Variants in REV3L observed in about 807,000 individuals in gnomAD.
REV3L encodes REV3 like, DNA directed polymerase zeta catalytic subunit, also known as DNA polymerase zeta catalytic subunit.
REV3L carries 69 observed loss-of-function variants against 299.4 expected under a neutral mutation model. The ratio of observed to expected loss-of-function variants is 0.23; its 90% confidence interval spans 0.19 to 0.28. The LOEUF is 0.28. REV3L is among the 10% of genes least tolerant of loss of function. The pLI is 1.00. For synonymous variants in REV3L, 1,238 were observed against 1,271.4 expected, an observed-to-expected ratio of 0.97 and a Z score of 0.56; for missense variants, 3,128 against 3,693.8, an observed-to-expected ratio of 0.85 and a Z score of 3.97.
intron 22 of REV3L, 94 bp from the exon 23 acceptor site, chr6:111,333,461 G>A (rs974218250): frequency 7.7e-6 from 11 of 1,428,822 alleles, no homozygotes; most frequent in Admixed American, 4.5e-5. Flanking sequence ...CTGCTTTTCA[G>A]AATAAGATTG....
intron 15 of REV3L, 73 bp downstream of exon 15, chr6:111,365,192 A>C (rs1779072359): frequency 3.1e-6 from 3 of 967,832 alleles, no homozygotes; most frequent in Non-Finnish European, 4.5e-6. Flanking sequence ...GACAAAGTTA[A>C]CAATTATCTA....
At chr6:111,333,810 G>A (rs1430221135) in intron 22 of REV3L, among the ~76,000 whole-genome samples, 4 of 152,034 alleles carry the variant, frequency 2.6e-5, no homozygotes, top group Admixed American at 6.6e-5. Flanking sequence ...TTTCAGATGC[G>A]AAAAGGGATA....
At chr6:111,324,249 C>T (rs535320847) in intron 25 of REV3L, among the ~76,000 whole-genome samples, 1 of 152,322 alleles carries the variant, frequency 6.6e-6, no homozygotes, top group South Asian at 2.1e-4. Context: ...CCACCCGCCT[C>T]AGCCTCCCAA....
intron 25 of REV3L, among the ~76,000 whole-genome samples, chr6:111,327,075 G>A (rs776819428): frequency 1.7e-4 from 26 of 152,142 alleles, no homozygotes; most frequent in Admixed American, 3.9e-4. Context: ...AAGCAGCAAC[G>A]TACTCCCTGG....
intron 1 of REV3L, among the ~76,000 whole-genome samples, chr6:111,474,335 C>CTGGG (rs1256492670): frequency 1.3e-5 from 2 of 152,196 alleles, no homozygotes; most frequent in Admixed American, 6.5e-5. Context: ...ACCAGAGACA[C>CTGGG]CCTCCCTGCT....
intron 4 of REV3L, among the ~76,000 whole-genome samples, chr6:111,394,781 C>A (rs916661028): frequency 1.3e-5 from 2 of 150,948 alleles, no homozygotes; most frequent in African/African-American, 2.4e-5. Flanking sequence ...TGGCTCACTG[C>A]AGCCTTGAGC....
intron 1 of REV3L, among the ~76,000 whole-genome samples, chr6:111,459,644 A>G (rs1790530207): frequency 6.6e-6 from 1 of 151,986 alleles, no homozygotes; most frequent in Non-Finnish European, 1.5e-5. Context: ...AAGACATACA[A>G]ATGGCCAAAA....
chr6:111,386,717 A>ATTTTTTT (rs67124715), intron 9 of REV3L, among the ~76,000 whole-genome samples: 18 of 97,646 alleles, frequency 1.8e-4, no homozygotes, highest in African/African-American at 4.0e-4. Context: ...TAACAGCACT[A>ATTTTTTT]TTTTTTTTTT....
chr6:111,310,202 C>T (rs568552693), intron 29 of REV3L, 103 bp from the exon 30 acceptor site: 1 of 1,349,752 alleles, frequency 7.4e-7, no homozygotes, highest in African/African-American at 1.5e-5. Flanking sequence ...AATGAAAAAA[C>T]TACAAAAGAC....
intron 4 of REV3L, among the ~76,000 whole-genome samples, chr6:111,395,605 G>A (rs1782408363): frequency 6.6e-6 from 1 of 151,960 alleles, no homozygotes; most frequent in Non-Finnish European, 1.5e-5. Flanking sequence ...TTTTTTGTTG[G>A]AGTCTTCAGG....
At position 111,389,117 on chromosome 6, in the gene REV3L, G is replaced by A. The variant is rs746372132; in HGVS notation, c.851C>T (p.Pro284Leu). 3.1e-6 allele frequency: 5 copies of A among 1,612,900 alleles called. No individual in the cohort carries two copies. The African/African-American group carries it at 5.3e-5, about 17-fold the overall frequency. Residue 284 changes from proline to leucine, a missense_variant, in exon 7 of 32, where the codon CCT becomes CTT. This residue lies in a region of REV3L where 2,409 missense variants were observed against 2,611.8 expected (regional missense o/e 0.92). Transcript: ENST00000368802. ...NRNETSQMSQ[P>L]ESQDHRFVPA... ...TATTAGGTTTATACCTTGTGACTCAGGTTGGCTCATTTGAGAAGTTTCATT... is the reference window on the plus strand; with the variant it reads ...TATTAGGTTTATACCTTGTGACTCAAGTTGGCTCATTTGAGAAGTTTCATT...
At chr6:111,362,426 C>A (rs1449218302) in intron 16 of REV3L, among the ~76,000 whole-genome samples, 1 of 152,106 alleles carries the variant, frequency 6.6e-6, no homozygotes, top group Non-Finnish European at 1.5e-5. Context: ...TGAATTATAA[C>A]TTAAAGGTGG....
At chr6:111,405,668 T>C in intron 3 of REV3L, 38 bp from the exon 4 acceptor site, 1 of 1,356,764 alleles carries the variant, frequency 7.4e-7, no homozygotes, top group Non-Finnish European at 1.0e-6. Context: ...TAAAATTATG[T>C]TCCCTAAAAT....
chr6:111,301,850 T>C (rs1771584893), intron 31 of REV3L, among the ~76,000 whole-genome samples: 2 of 151,850 alleles, frequency 1.3e-5, no homozygotes, highest in Admixed American at 6.6e-5. Context: ...ATGAAGAACA[T>C]AAAAAAATTA....
chr6:111,359,362 G>A (rs528365140), intron 16 of REV3L, among the ~76,000 whole-genome samples: 1 of 152,096 alleles, frequency 6.6e-6, no homozygotes, highest in East Asian at 1.9e-4. Context: ...TACTCTTCAT[G>A]TAGTTAGCTA....
At chr6:111,334,699 A>G (rs938910209) in intron 22 of REV3L, among the ~76,000 whole-genome samples, 4 of 152,216 alleles carry the variant, frequency 2.6e-5, no homozygotes, top group Non-Finnish European at 2.9e-5. Flanking sequence ...TAGCTCAAAC[A>G]GTTGTTAAAT....
intron 1 of REV3L, among the ~76,000 whole-genome samples, chr6:111,425,187 G>A (rs1399657146): frequency 2.6e-5 from 4 of 152,138 alleles, no homozygotes; most frequent in South Asian, 2.1e-4. Context: ...TGCCGGGCGC[G>A]GTGGCTCATG....
intron 1 of REV3L, among the ~76,000 whole-genome samples, chr6:111,452,993 T>A (rs1035705388): frequency 9.9e-5 from 15 of 152,058 alleles, no homozygotes; most frequent in African/African-American, 3.6e-4. Flanking sequence ...ATTCTTTACA[T>A]ATTTTAATAT....
chr6:111,347,251 A>G (rs977556641), intron 20 of REV3L, among the ~76,000 whole-genome samples: 2 of 152,012 alleles, frequency 1.3e-5, no homozygotes, highest in African/African-American at 4.8e-5. Context: ...TCTGGGTGAC[A>G]GAGCAAGACT....
Sources: gnomAD v4.1 joint callset for allele counts (sites outside exome capture counted in the v4.1 genomes callset) on GRCh38, gnomAD v4.1.1 for gene constraint, gnomAD v4.1.1 regional missense constraint, MANE v1.5 for transcripts, NCBI Gene and HGNC (gene_info 2026-07-23, HGNC 2026-07-21) for gene names.